MBD5: variants seen among roughly 807,000 people sequenced by gnomAD.
MBD5 encodes the protein methyl-CpG-binding domain protein 5.
Under a neutral mutation model 117.3 loss-of-function variants are expected in MBD5, and 13 were observed. The ratio of observed to expected loss-of-function variants is 0.11; its 90% confidence interval spans 0.07 to 0.18. MBD5 has a LOEUF of 0.18. MBD5 is among the 10% of genes least tolerant of loss of function. The pLI is 1.00. For missense variants in MBD5, 1,879 were observed against 2,093.8 expected (o/e 0.90, Z 2.00); for synonymous variants, 727 against 766.4 (o/e 0.95, Z 0.85).
intron 1 of MBD5, among the ~76,000 whole-genome samples, chr2:148,120,116 A>G (rs1028935733): frequency 6.6e-6 from 1 of 152,024 alleles, no homozygotes; most frequent in Non-Finnish European, 1.5e-5. Context: ...GTTTTGCCGT[A>G]TTGCTCAGGC....
At chr2:148,393,589 A>G (rs72618900) in intron 4 of MBD5, among the ~76,000 whole-genome samples, 3,675 of 152,298 alleles carry the variant, frequency 0.024, 107 homozygotes, top group South Asian at 0.087. Context: ...CACCAACACT[A>G]TAAACCAGTG....
chr2:148,155,965 A>G (rs1697862435), intron 1 of MBD5, among the ~76,000 whole-genome samples: 1 of 152,242 alleles, frequency 6.6e-6, no homozygotes, highest in Admixed American at 6.5e-5. Context: ...GAGAGAAAAG[A>G]AACACTGTCC....
At chr2:148,150,438 C>T (rs1448804118) in intron 1 of MBD5, among the ~76,000 whole-genome samples, 3 of 151,890 alleles carry the variant, frequency 2.0e-5, no homozygotes, top group African/African-American at 4.8e-5. Flanking sequence ...TTTTTTGGTT[C>T]CATATGAACT....
intron 4 of MBD5, among the ~76,000 whole-genome samples, chr2:148,354,942 G>A (rs1703339518): frequency 6.6e-6 from 1 of 150,928 alleles, no homozygotes; most frequent in African/African-American, 2.4e-5. Context: ...ACTTTTTGAT[G>A]GACTTTTTCA....
At chr2:148,211,828 C>T (rs1358669150) in intron 2 of MBD5, among the ~76,000 whole-genome samples, 1 of 152,178 alleles carries the variant, frequency 6.6e-6, no homozygotes, top group Non-Finnish European at 1.5e-5. Context: ...TCAGTGCAAC[C>T]TCAACCTCCC....
chr2:148,034,764 G>A (rs560526118), intron 1 of MBD5, among the ~76,000 whole-genome samples: 3 of 152,182 alleles, frequency 2.0e-5, no homozygotes, highest in South Asian at 2.1e-4. Flanking sequence ...CATCCTTAGC[G>A]GCTTTGAGAA....
intron 1 of MBD5, chr2:148,027,304 A>G (rs1269573982): frequency 6.6e-6 from 1 of 152,154 alleles, no homozygotes; most frequent in Non-Finnish European, 1.5e-5. Flanking sequence ...CTAGGTGCCT[A>G]AATTATTTCA....
intron 4 of MBD5, among the ~76,000 whole-genome samples, chr2:148,380,721 A>G (rs1029986362): frequency 6.6e-6 from 1 of 152,156 alleles, no homozygotes; most frequent in Non-Finnish European, 1.5e-5. Flanking sequence ...AGGCACCCCC[A>G]GTAGGGGCGG....
At chr2:148,108,624 A>T (rs10928375) in intron 1 of MBD5, among the ~76,000 whole-genome samples, 56,964 of 151,922 alleles carry the variant, frequency 0.37, 11,449 homozygotes, top group South Asian at 0.5. Flanking sequence ...TGCTTGCCGT[A>T]CCACTTTCAG....
chr2:148,426,922 C>G (rs1223071805), intron 4 of MBD5, among the ~76,000 whole-genome samples: 2 of 152,050 alleles, frequency 1.3e-5, no homozygotes, highest in African/African-American at 4.8e-5. Flanking sequence ...GGCTAATATC[C>G]AGAATCTACC....
intron 2 of MBD5, among the ~76,000 whole-genome samples, chr2:148,219,373 G>A (rs1018853369): frequency 6.6e-6 from 1 of 151,912 alleles, no homozygotes; most frequent in Non-Finnish European, 1.5e-5. Flanking sequence ...CTGTTTTACA[G>A]TTAACTTTTT....
At chr2:148,166,778 T>C (rs959022379) in intron 1 of MBD5, among the ~76,000 whole-genome samples, 1 of 152,198 alleles carries the variant, frequency 6.6e-6, no homozygotes, top group Admixed American at 6.5e-5. Flanking sequence ...TATTGGAATT[T>C]GTTGTGGTTA....
intron 7 of MBD5, 118 bp from the exon 8 acceptor site, chr2:148,468,223 C>A: frequency 1.3e-6 from 1 of 760,346 alleles, no homozygotes; most frequent in Non-Finnish European, 2.3e-6. Flanking sequence ...TTTACAGATT[C>A]CTATTTCCAG....
intron 1 of MBD5, among the ~76,000 whole-genome samples, chr2:148,084,849 C>T (rs111412248): frequency 6.6e-5 from 10 of 152,294 alleles, no homozygotes; most frequent in African/African-American, 2.2e-4. Context: ...CACTCCCTAA[C>T]TCTGTACCTC....
chr2:148,407,648 G>A (rs1705124470), intron 4 of MBD5, among the ~76,000 whole-genome samples: 1 of 152,056 alleles, frequency 6.6e-6, no homozygotes, highest in Non-Finnish European at 1.5e-5. Flanking sequence ...GTTCATACCT[G>A]AAACACTAGA....
chr2:148,216,667 C>A (rs1699563526), intron 2 of MBD5, among the ~76,000 whole-genome samples: 1 of 152,156 alleles, frequency 6.6e-6, no homozygotes, highest in Non-Finnish European at 1.5e-5. Flanking sequence ...GGCAGAAAAG[C>A]ATTGTTAATC....
At chr2:148,093,728 GAC>G (rs992737037) in intron 1 of MBD5, among the ~76,000 whole-genome samples, 2 of 151,958 alleles carry the variant, frequency 1.3e-5, no homozygotes, top group Non-Finnish European at 2.9e-5. Context: ...TTCAGATATT[GAC>G]ACACATATAA....
chr2:148,487,405 A>G (rs1324390678), intron 10 of MBD5, among the ~76,000 whole-genome samples: 1 of 152,194 alleles, frequency 6.6e-6, no homozygotes, highest in East Asian at 1.9e-4. Flanking sequence ...GTTCTAAGAA[A>G]GGAAATAGGA....
At chr2:148,315,167 T>G (rs1455506129) in intron 3 of MBD5, among the ~76,000 whole-genome samples, 1 of 152,198 alleles carries the variant, frequency 6.6e-6, no homozygotes, top group Admixed American at 6.5e-5. Context: ...TTCATCTCCA[T>G]ATTCTAGACC....
Sources: gnomAD v4.1 joint callset for allele counts (sites outside exome capture counted in the v4.1 genomes callset) on GRCh38, gnomAD v4.1.1 for gene constraint, MANE v1.5 for transcripts, NCBI Gene and HGNC (gene_info 2026-07-23, HGNC 2026-07-21) for gene names.